SLC44A5: variants seen among roughly 807,000 people sequenced by gnomAD.
SLC44A5 encodes choline transporter-like protein 5.
In SLC44A5, 57 loss-of-function variants were observed where a neutral mutation model predicts 101.8. The ratio of observed to expected loss-of-function variants is 0.56; its 90% CI spans 0.45 to 0.70. The LOEUF is 0.70. Ranked by LOEUF, SLC44A5 falls within the 30% of genes least tolerant of loss-of-function variation. SLC44A5 has a pLI of 0.00. For synonymous variants in SLC44A5, 281 were observed against 290.9 expected (o/e 0.97, Z 0.35); for missense variants, 737 against 853.1 (o/e 0.86, Z 1.70).
Position 75,202,819 on chromosome 1 carries a change from C to T in SLC44A5, c.*908G>A, listed in dbSNP as rs770531313. 8.6e-5 allele frequency: 13 copies of T among 151,916 alleles called. No homozygotes were observed. Among genetic ancestry groups the T allele is most frequent in the African/African-American group, 3.1e-4 (13 of 41,414 alleles). The allele number at this position is 151,916 out of a possible 1,614,324, so 9.4% of individuals were successfully genotyped here. ...TTATACCTATTGTATTTTCAAAGAT[C>T]TACTATAGAAAACATTTCATTTTAA... On this transcript the variant is annotated 3_prime_UTR_variant, in exon 24 of 24. Transcript: ENST00000370859.
the SLC44A5 span, among the ~76,000 whole-genome samples, chr1:75,723,111 G>C: frequency 6.6e-6 from 1 of 152,112 alleles, no homozygotes. Context: ...AGCCAATCAG[G>C]ACAAGTACAG....
chr1:75,361,263 AT>A (rs1381980291), intron 3 of SLC44A5, among the ~76,000 whole-genome samples: 1 of 152,074 alleles, frequency 6.6e-6, no homozygotes, highest in Non-Finnish European at 1.5e-5. Context: ...CAAGCAGACA[AT>A]TTCACGTCTT....
chr1:75,462,202 T>C (rs1384488278), intron 2 of SLC44A5, among the ~76,000 whole-genome samples: 2 of 152,184 alleles, frequency 1.3e-5, no homozygotes, highest in Non-Finnish European at 2.9e-5. Flanking sequence ...TAAACTCTGT[T>C]TGTTTGGGAG....
At chr1:75,627,223 T>C in the SLC44A5 span, among the ~76,000 whole-genome samples, 1 of 152,182 alleles carries the variant, frequency 6.6e-6, no homozygotes, top group African/African-American at 2.4e-5. Flanking sequence ...TGTCTGTCTC[T>C]GTCAAACTAG....
At chr1:75,529,348 A>C (rs561144286) in intron 2 of SLC44A5, among the ~76,000 whole-genome samples, 2 of 152,290 alleles carry the variant, frequency 1.3e-5, no homozygotes, top group South Asian at 4.1e-4. Flanking sequence ...CCTACTAACC[A>C]TAAGGGCTTG....
At chr1:75,235,100 T>C (rs1305894285) in intron 11 of SLC44A5, among the ~76,000 whole-genome samples, 1 of 152,062 alleles carries the variant, frequency 6.6e-6, no homozygotes, top group Non-Finnish European at 1.5e-5. Flanking sequence ...TGAAGTATCA[T>C]GGTCTTGCAA....
rs1188189674 is a variant in SLC44A5, at chr1:75,582,608, G to A, written c.-70+28432C>T. ...GAGGACAGAAGGACTGGTGTGACCC[G>A]CCCTGCACTGCCGTCTGCATAGGGC... On this transcript the variant is annotated intron_variant, in intron 1 of 23. Coordinates refer to ENST00000370859, the MANE Select transcript of SLC44A5 (RefSeq NM_001130058.2). 13 of 302,400 alleles carry A rather than the reference G, an allele frequency of 4.3e-5. No homozygotes were observed. The South Asian group carries it at 6.3e-4, about 15-fold the overall frequency. 18.7% of individuals were successfully genotyped at this position (302,400 alleles called of 1,614,324 possible). A position where few individuals can be genotyped will look rare whatever the true frequency, so the allele number is the denominator to read the frequency against.
intron 2 of SLC44A5, among the ~76,000 whole-genome samples, chr1:75,469,568 G>A (rs1034407342): frequency 2.0e-5 from 3 of 152,036 alleles, no homozygotes; most frequent in Admixed American, 1.3e-4. Context: ...ATGGTACGGC[G>A]TATAATGGAA....
At chr1:75,326,503 T>C (rs140846128) in intron 4 of SLC44A5, among the ~76,000 whole-genome samples, 53 of 152,230 alleles carry the variant, frequency 3.5e-4, no homozygotes, top group Non-Finnish European at 7.1e-4. Context: ...TTGCAAATGA[T>C]ATAGGTGGTA....
chr1:75,681,497 A>T, the SLC44A5 span, among the ~76,000 whole-genome samples: 1 of 151,388 alleles, frequency 6.6e-6, no homozygotes, highest in African/African-American at 2.4e-5. Context: ...ACAGAGCCAA[A>T]GACAAAAACC....
At chr1:75,462,940 G>C (rs1244979022) in intron 2 of SLC44A5, among the ~76,000 whole-genome samples, 1 of 152,122 alleles carries the variant, frequency 6.6e-6, no homozygotes, top group African/African-American at 2.4e-5. Flanking sequence ...TGGCTTTAAA[G>C]AGAAGGTAGA....
the SLC44A5 span, among the ~76,000 whole-genome samples, chr1:75,633,992 T>A: frequency 6.6e-6 from 1 of 152,028 alleles, no homozygotes; most frequent in African/African-American, 2.4e-5. Context: ...GTGGTTTTTG[T>A]CTTTGGTTCT....
At chr1:75,446,698 T>C (rs930723786) in intron 2 of SLC44A5, among the ~76,000 whole-genome samples, 4 of 151,986 alleles carry the variant, frequency 2.6e-5, no homozygotes, top group Non-Finnish European at 5.9e-5. Context: ...AATGGTTGAA[T>C]GTATTCAAGC....
chr1:75,600,310 T>C (rs565435006), intron 1 of SLC44A5, among the ~76,000 whole-genome samples: 1 of 152,228 alleles, frequency 6.6e-6, no homozygotes, highest in South Asian at 2.1e-4. Flanking sequence ...CAAGACTAGA[T>C]GGTAAACTAC....
intron 4 of SLC44A5, among the ~76,000 whole-genome samples, chr1:75,308,546 C>T (rs1055893123): frequency 1.3e-5 from 2 of 152,126 alleles, no homozygotes; most frequent in African/African-American, 2.4e-5. Flanking sequence ...TAGGTGGAAA[C>T]CACTCTGCAA....
intron 2 of SLC44A5, among the ~76,000 whole-genome samples, chr1:75,480,701 G>A (rs1032418268): frequency 4.6e-5 from 7 of 151,970 alleles, no homozygotes; most frequent in African/African-American, 1.7e-4. Flanking sequence ...TACAAGGGAT[G>A]TGAAGGACCT....
chr1:75,403,466 G>T (rs149308296), intron 2 of SLC44A5, among the ~76,000 whole-genome samples: 1 of 152,062 alleles, frequency 6.6e-6, no homozygotes, highest in African/African-American at 2.4e-5. Flanking sequence ...GCATCTGGCT[G>T]GTGCCCCTCT....
Position 75,203,818 on chromosome 1 carries a change from C to A in SLC44A5, c.2063G>T (p.Arg688Ile), listed in dbSNP as rs1376520507. ...IFICFLEDLE[R>I]NDGSTARPYY... ...AGGTCTTGCAGTAGAACCATCATTT[C>A]TTTCTAAATCTTCCACTAGGAGGAA... The change falls in exon 24 of 24, where the codon AGA becomes ATA. Residue 688 changes from arginine to isoleucine, a missense_variant. Transcript: ENST00000370859. 3 of 1,548,240 alleles carry A rather than the reference C, an allele frequency of 1.9e-6. No homozygotes were observed. In the South Asian group the frequency reaches 3.6e-5, roughly 19 times the overall value.
chr1:75,618,337 A>C, the SLC44A5 span, among the ~76,000 whole-genome samples: 1 of 152,224 alleles, frequency 6.6e-6, no homozygotes, highest in African/African-American at 2.4e-5. Flanking sequence ...AGGTTTATTC[A>C]GCCCTGCTGA....
Sources: gnomAD v4.1 joint callset for allele counts (sites outside exome capture counted in the v4.1 genomes callset) on GRCh38, gnomAD v4.1.1 for gene constraint, MANE v1.5 for transcripts, NCBI Gene and HGNC (gene_info 2026-07-23, HGNC 2026-07-21) for gene names.